Variants in RGS22 observed in about 807,000 individuals in gnomAD.
RGS22 encodes the protein regulator of G-protein signaling 22.
Under a neutral mutation model 172.9 loss-of-function variants are expected in RGS22, and 148 were observed. The ratio of observed to expected loss-of-function variants is 0.86; its 90% confidence interval spans 0.75 to 0.98. The LOEUF is 0.98. Among genes scored for constraint, RGS22 ranks in the 50% least tolerant of loss-of-function variants. RGS22 has a pLI of 0.00. For synonymous variants in RGS22, 458 were observed against 480.2 expected (o/e 0.95, Z 0.60); for missense variants, 1,347 against 1,440.8 (o/e 0.93, Z 1.05).
At chr8:100,099,157 A>C (rs956647560) in intron 2 of RGS22, among the ~76,000 whole-genome samples, 2 of 151,542 alleles carry the variant, frequency 1.3e-5, no homozygotes, top group Non-Finnish European at 2.9e-5. Flanking sequence ...TTCATGATCC[A>C]CCCGCCTCGG....
intron 14 of RGS22, among the ~76,000 whole-genome samples, chr8:100,017,513 C>T (rs1817130257): frequency 6.6e-6 from 1 of 152,092 alleles, no homozygotes; most frequent in Non-Finnish European, 1.5e-5. Flanking sequence ...AATTATAGTA[C>T]ATTTAAACTG....
intron 4 of RGS22, among the ~76,000 whole-genome samples, chr8:100,074,443 C>T (rs559961621): frequency 1.3e-5 from 2 of 152,330 alleles, no homozygotes; most frequent in Admixed American, 6.5e-5. Flanking sequence ...TCCCTCCAAC[C>T]CTAGGCTCTG....
At position 100,076,715 on chromosome 8, in the gene RGS22, G is replaced by A. The variant is rs137993931; in HGVS notation, c.339+3419C>T. On this transcript the variant is annotated intron_variant, in intron 4 of 27. Transcript: ENST00000360863. ...GTGCCTTTTAAGAAATATGTGGGCC[G>A]GGCACGGTGGTTCATCCCTGTAATC... is the stretch of plus-strand genomic sequence containing the variant. Among the ~76,000 whole-genome samples, 444 of 152,222 alleles carry A rather than the reference G, an allele frequency of 2.9e-3. 10 individuals carry two copies. Among genetic ancestry groups the A allele is most frequent in the Non-Finnish European group, 1.7e-3 (118 of 68,018 alleles).
chr8:100,016,479 A>G (rs1816967547), intron 14 of RGS22, among the ~76,000 whole-genome samples: 1 of 152,052 alleles, frequency 6.6e-6, no homozygotes, highest in African/African-American at 2.4e-5. Flanking sequence ...ATAATCCTTA[A>G]GAATAATACA....
intron 3 of RGS22, among the ~76,000 whole-genome samples, chr8:100,081,452 G>A (rs1811753244): frequency 6.6e-6 from 1 of 151,066 alleles, no homozygotes; most frequent in Non-Finnish European, 1.5e-5. Flanking sequence ...GGAATTTAAA[G>A]TACATGGATG....
At position 100,002,213 on chromosome 8, in the gene RGS22, G is replaced by C. The variant is rs750137458; in HGVS notation, c.2779C>G (p.Gln927Glu). The change falls in exon 18 of 28, where the codon CAG becomes GAG. Residue 927 changes from glutamine (Q) to glutamate (E), a missense_variant. Physicochemically the swap from Gln to Glu is conservative, Grantham distance 29 (BLOSUM62 2). Coordinates refer to ENST00000360863, the MANE Select transcript of RGS22 (RefSeq NM_015668.5). ...TTGCATGTTGATACCTGGTTCTGCT[G>C]ATACAGAGAAGCTGGACTGTTGGGT... ...FGPNSPASLYQQNQVMHLSGG... is the reference protein window; with the variant it reads ...FGPNSPASLYEQNQVMHLSGG... The C allele has an allele frequency of 2.5e-6, 4 of 1,585,820 alleles. No individual in the cohort carries two copies. Among genetic ancestry groups the C allele is most frequent in the Non-Finnish European group, 3.4e-6 (4 of 1,170,990 alleles).
At chr8:99,991,239 C>T (rs192118008) in intron 20 of RGS22, among the ~76,000 whole-genome samples, 6 of 152,230 alleles carry the variant, frequency 3.9e-5, no homozygotes, top group East Asian at 1.9e-4. Context: ...TCACCAGCAA[C>T]GGAATAAAGC....
chr8:100,020,175 C>T (rs1054552239), intron 14 of RGS22, among the ~76,000 whole-genome samples: 5 of 152,260 alleles, frequency 3.3e-5, no homozygotes, highest in East Asian at 3.9e-4. Flanking sequence ...TGAGCCACCA[C>T]GCCCGGCCGC....
intron 3 of RGS22, among the ~76,000 whole-genome samples, chr8:100,086,455 A>T (rs888613862): frequency 6.6e-6 from 1 of 152,160 alleles, no homozygotes; most frequent in Non-Finnish European, 1.5e-5. Context: ...AAATTAACAC[A>T]GGAACAGAAA....
intron 14 of RGS22, chr8:100,038,602 C>T (rs1225208345): frequency 5.5e-6 from 1 of 182,624 alleles, no homozygotes; most frequent in Non-Finnish European, 1.1e-5. Flanking sequence ...CATTACATGT[C>T]CATTCTCGGG....
At chr8:100,060,987 A>G (rs1810090977) in intron 9 of RGS22, among the ~76,000 whole-genome samples, 1 of 152,126 alleles carries the variant, frequency 6.6e-6, no homozygotes, top group African/African-American at 2.4e-5. Flanking sequence ...CCAATCAAAC[A>G]ATAGAGAATG....
chr8:99,963,662 T>C (rs1021432803), intron 24 of RGS22, among the ~76,000 whole-genome samples: 1 of 152,242 alleles, frequency 6.6e-6, no homozygotes, highest in African/African-American at 2.4e-5. Context: ...TATAACTATT[T>C]ACATAGCATT....
At chr8:100,013,059 G>A (rs556746071) in intron 14 of RGS22, among the ~76,000 whole-genome samples, 14 of 145,534 alleles carry the variant, frequency 9.6e-5, no homozygotes, top group Admixed American at 2.1e-4. Flanking sequence ...GCGTAATCTC[G>A]GCTCACTGCA....
At chr8:100,026,040 A>G (rs547139163) in intron 14 of RGS22, among the ~76,000 whole-genome samples, 3 of 151,690 alleles carry the variant, frequency 2.0e-5, no homozygotes, top group East Asian at 3.9e-4. Context: ...GTGTTTGGTA[A>G]ATGTTTGTGG....
chr8:100,083,830 C>CTTTTTTTTTTTTTTTTTTTTTTTT (rs59603032), intron 3 of RGS22, among the ~76,000 whole-genome samples: 4 of 126,052 alleles, frequency 3.2e-5, no homozygotes, highest in South Asian at 2.5e-4. Flanking sequence ...AATTTCTTTT[C>CTTTTTTTTTTTTTTTTTTTTTTTT]TTTTTTTTTT....
intron 9 of RGS22, among the ~76,000 whole-genome samples, chr8:100,053,409 C>T (rs1462807034): frequency 9.3e-6 from 1 of 107,754 alleles, no homozygotes; most frequent in African/African-American, 3.6e-5. Flanking sequence ...GCGACAAGAG[C>T]AAAACTCCAT....
intron 12 of RGS22, among the ~76,000 whole-genome samples, chr8:100,040,854 C>A (rs1235271799): frequency 6.6e-6 from 1 of 151,982 alleles, no homozygotes; most frequent in Non-Finnish European, 1.5e-5. Flanking sequence ...CTCTTTTTGT[C>A]CTACTGTCTC....
chr8:99,961,309 G>A, intron 27 of RGS22, 113 bp from the exon 28 acceptor site: 1 of 390,480 alleles, frequency 2.6e-6, no homozygotes, highest in Admixed American at 3.0e-5. Context: ...TGGTTTGGCT[G>A]TGTCCCCACC....
At chr8:100,002,051 C>T in intron 18 of RGS22, 151 bp downstream of exon 18, 1 of 507,992 alleles carries the variant, frequency 2.0e-6, no homozygotes, top group Non-Finnish European at 3.3e-6. Flanking sequence ...TATAGATGCT[C>T]ATAAATACCT....
Sources: allele counts gnomAD v4.1 joint callset (sites outside exome capture counted in the v4.1 genomes callset), GRCh38; gene constraint gnomAD v4.1.1; transcripts MANE v1.5; gene names NCBI Gene and HGNC (gene_info 2026-07-23, HGNC 2026-07-21).